The following NUP98 variants were observed in gnomAD, a reference collection of about 807,000 sequenced individuals.
NUP98 encodes the protein nuclear pore complex protein Nup98-Nup96.
In NUP98, 26 loss-of-function variants were observed where a neutral mutation model predicts 191.9. The observed-to-expected ratio is 0.14, with a 90% CI of 0.10 to 0.19. The LOEUF is 0.19. Ranked by LOEUF, NUP98 falls within the 10% of genes least tolerant of loss-of-function variation. NUP98 has a pLI of 1.00. For synonymous variants in NUP98, 808 were observed against 778.4 expected, an observed-to-expected ratio of 1.04 and a Z score of -0.63; for missense variants, 1,941 against 2,178.8, an observed-to-expected ratio of 0.89 and a Z score of 2.17.
intron 28 of NUP98, among the ~76,000 whole-genome samples, chr11:3,690,401 G>C (rs1306756965): frequency 1.3e-5 from 2 of 151,860 alleles, no homozygotes; most frequent in Non-Finnish European, 2.9e-5. Flanking sequence ...CTGGGACTAC[G>C]GGCGCCCGCC....
chr11:3,705,996 CAA>C (rs66628165), intron 21 of NUP98, among the ~76,000 whole-genome samples: 1,609 of 99,438 alleles, frequency 0.016, 38 homozygotes, highest in African/African-American at 0.052. Context: ...ACTAAAAATA[CAA>C]AAAAAAAAAA....
chr11:3,696,210 T>C (rs529972450), intron 25 of NUP98, among the ~76,000 whole-genome samples: 3 of 149,264 alleles, frequency 2.0e-5, no homozygotes, highest in African/African-American at 7.4e-5. Context: ...AAAGGAAAAA[T>C]GGAGGAAAAC....
At chr11:3,690,973 A>C (rs1357115460) in intron 28 of NUP98, among the ~76,000 whole-genome samples, 1 of 152,230 alleles carries the variant, frequency 6.6e-6, no homozygotes, top group Non-Finnish European at 1.5e-5. Flanking sequence ...AGACCAGCAA[A>C]ACTAACTTAT....
intron 1 of NUP98, among the ~76,000 whole-genome samples, chr11:3,793,269 G>C (rs576576084): frequency 3.9e-4 from 60 of 152,190 alleles, no homozygotes; most frequent in African/African-American, 1.4e-3. Context: ...ATATATGTCA[G>C]AATGCAAAGA....
chr11:3,772,702 C>T (rs1341028923), intron 6 of NUP98, among the ~76,000 whole-genome samples: 1 of 151,940 alleles, frequency 6.6e-6, no homozygotes, highest in African/African-American at 2.4e-5. Context: ...GCAATCCCAG[C>T]TACTCAGGAG....
intron 7 of NUP98, among the ~76,000 whole-genome samples, chr11:3,768,950 C>G (rs879454508): frequency 1.6e-4 from 24 of 152,092 alleles, no homozygotes; most frequent in Non-Finnish European, 3.2e-4. Context: ...CATCCTTACC[C>G]CAAGAAGCTT....
At chr11:3,796,654 T>C (rs899609573) in intron 1 of NUP98, among the ~76,000 whole-genome samples, 7 of 152,304 alleles carry the variant, frequency 4.6e-5, no homozygotes, top group African/African-American at 1.7e-4. Flanking sequence ...AATGGGAGAC[T>C]GAAATATCCA....
chr11:3,757,357 C>A (rs900653542), intron 10 of NUP98, among the ~76,000 whole-genome samples: 2 of 151,462 alleles, frequency 1.3e-5, no homozygotes, highest in Non-Finnish European at 2.9e-5. Context: ...TGTGGTGGTG[C>A]ATGCCTGTAG....
Position 3,691,342 on chromosome 11 carries a change from T to G in NUP98, c.4454+5A>C. 6.2e-7 allele frequency: 1 copy of G among 1,614,076 alleles called. No homozygotes were observed. Among genetic ancestry groups the G allele is most frequent in the Non-Finnish European group, 8.5e-7 (1 of 1,180,014 alleles). ...AAGTGACAATAAAGCCTGGCTCTCA[T>G]TTACCTGTCACTGTAGAGTTTTAGA... On this transcript the variant is annotated splice_donor_5th_base_variant and intron_variant, in intron 28 of 32. Transcript: ENST00000324932.
chr11:3,758,791 G>A (rs762309388), intron 10 of NUP98, among the ~76,000 whole-genome samples: 26 of 151,002 alleles, frequency 1.7e-4, no homozygotes, highest in Admixed American at 5.3e-4. Flanking sequence ...GAGAGAGACA[G>A]AGAGACAGAG....
chr11:3,762,606 GA>G (rs1317301144), intron 9 of NUP98, among the ~76,000 whole-genome samples: 1 of 152,068 alleles, frequency 6.6e-6, no homozygotes, highest in Non-Finnish European at 1.5e-5. Flanking sequence ...TAAAGCAAAA[GA>G]ATTTCAATTT....
At chr11:3,763,927 A>G (rs1212081777) in intron 8 of NUP98, among the ~76,000 whole-genome samples, 1 of 152,256 alleles carries the variant, frequency 6.6e-6, no homozygotes, top group African/African-American at 2.4e-5. Flanking sequence ...TTACTTATGC[A>G]TTAATAAAGG....
chr11:3,748,292 G>A (rs143292591), intron 11 of NUP98, among the ~76,000 whole-genome samples: 33 of 152,292 alleles, frequency 2.2e-4, no homozygotes, highest in Non-Finnish European at 4.0e-4. Flanking sequence ...GTGGCTGGGC[G>A]CAGTGGCTCA....
chr11:3,695,502 A>C lies in NUP98; in HGVS notation c.4114T>G (p.Ser1372Ala). 1 of 1,610,254 alleles carries C rather than the reference A, an allele frequency of 6.2e-7. No individual in the cohort carries two copies. The highest frequency in any genetic ancestry group is 1.1e-5 in the South Asian group (1 of 90,304). The change falls in exon 26 of 33, where the codon TCC becomes GCC. Residue 1372 changes from serine to alanine, a missense_variant. By Grantham distance (99) the Ser-to-Ala change is moderately conservative. This residue lies in a region of NUP98 where 1,030 missense variants were observed against 1,115.8 expected (regional missense o/e 0.92). Transcript: ENST00000324932. ...CGCAGTCTCTCATCCTGGATGAAGG[A>C]GTCTGCTTGGAGCTGATGCCAGTCC... ...LVDWHQLQAD[S>A]FIQDERLRIF...
In NUP98 at chr11:3,782,853, C is replaced by T. The variant is rs547979463; in HGVS notation, c.-28-708G>A. Among the ~76,000 whole-genome samples, 20 of 152,172 alleles carry T rather than the reference C, an allele frequency of 1.3e-4. No individual in the cohort carries two copies. In the South Asian group the frequency reaches 3.7e-3, roughly 29 times the overall value. On this transcript the variant is annotated intron_variant, in intron 1 of 32. Transcript: ENST00000324932. The stretch of plus-strand genomic sequence containing the variant: ...GATTACAGGCGCAAACCACCGCACC[C>T]GGCCAAGGCTTTATTTTCCATAGTT...
intron 12 of NUP98, among the ~76,000 whole-genome samples, chr11:3,741,189 T>C (rs1296919586): frequency 4.0e-5 from 6 of 151,752 alleles, no homozygotes; most frequent in African/African-American, 9.7e-5. Context: ...ACAAAAATCA[T>C]CCTGAAAATC....
At chr11:3,734,398 C>T (rs536477963) in intron 13 of NUP98, among the ~76,000 whole-genome samples, 1 of 152,286 alleles carries the variant, frequency 6.6e-6, no homozygotes, top group Non-Finnish European at 1.5e-5. Flanking sequence ...CATGTAATCA[C>T]ATAAGTGACT....
intron 29 of NUP98, among the ~76,000 whole-genome samples, chr11:3,683,761 C>T (rs1292480927): frequency 6.6e-6 from 1 of 151,982 alleles, no homozygotes; most frequent in Non-Finnish European, 1.5e-5. Flanking sequence ...TGGTCTGGAA[C>T]TCCCAACCTC....
chr11:3,678,082 G>A (rs1448674250), intron 31 of NUP98, among the ~76,000 whole-genome samples: 3 of 150,502 alleles, frequency 2.0e-5, no homozygotes, highest in South Asian at 2.1e-4. Context: ...GAGATGCAGT[G>A]AGCTGAGATT....
Sources: allele counts gnomAD v4.1 joint callset (sites outside exome capture counted in the v4.1 genomes callset), GRCh38; gene constraint gnomAD v4.1.1; regional missense constraint gnomAD v4.1.1; transcripts MANE v1.5; gene names NCBI Gene and HGNC (gene_info 2026-07-23, HGNC 2026-07-21).